Variants in GNE observed in about 807,000 individuals in gnomAD.
GNE encodes glucosamine (UDP-N-acetyl)-2-epimerase/N-acetylmannosamine kinase.
A neutral mutation model predicts 61.8 loss-of-function variants in GNE; 41 were observed. That is an observed-to-expected ratio of 0.66 (90% CI 0.52 to 0.86). GNE has a LOEUF of 0.86. Ranked by LOEUF, GNE falls within the 40% of genes least tolerant of loss-of-function variation. The pLI is 0.00. For synonymous variants in GNE, 264 were observed against 326.4 expected (o/e 0.81, Z 2.06); for missense variants, 608 against 909.1 (o/e 0.67, Z 4.26).
upstream of GNE, among the ~76,000 whole-genome samples, chr9:36,260,598 G>A (rs576931374): frequency 2.1e-3 from 326 of 152,154 alleles, 1 homozygote; most frequent in African/African-American, 7.4e-3. Context: ...GGCCAGGCGC[G>A]GTGGCTCACG....
intron 10 of GNE, 138 bp downstream of exon 10, chr9:36,219,690 AGTTTTAGTGC>A: frequency 1.4e-6 from 1 of 720,162 alleles, no homozygotes; most frequent in Non-Finnish European, 2.4e-6. Flanking sequence ...AAGACTGTGC[AGTTTTAGTGC>A]GAGGGAGCCC....
chr9:36,246,676 T>TG (rs1344203483), intron 2 of GNE, among the ~76,000 whole-genome samples, 194 bp from the exon 3 acceptor site: 1 of 147,266 alleles, frequency 6.8e-6, no homozygotes, highest in Non-Finnish European at 1.5e-5. Flanking sequence ...TTTTTTTTTT[T>TG]TTTTTTTTTT....
At chr9:36,241,909 G>T (rs1829642485) in intron 3 of GNE, among the ~76,000 whole-genome samples, 1 of 152,086 alleles carries the variant, frequency 6.6e-6, no homozygotes, top group South Asian at 2.1e-4. Context: ...GCTGAGGAGG[G>T]CGGATCACCT....
intron 1 of GNE, among the ~76,000 whole-genome samples, chr9:36,265,886 T>G (rs538281782): frequency 6.6e-6 from 1 of 152,346 alleles, no homozygotes; most frequent in African/African-American, 2.4e-5. Context: ...TAATGCTTGC[T>G]TGCCTGCCAT....
At chr9:36,236,793 A>G in intron 4 of GNE, 39 bp downstream of exon 4, 1 of 1,592,764 alleles carries the variant, frequency 6.3e-7, no homozygotes, top group Non-Finnish European at 8.6e-7. Context: ...TAAAATTGGG[A>G]AAAGTAGGTG....
intron 3 of GNE, among the ~76,000 whole-genome samples, chr9:36,237,586 C>A (rs970983060): frequency 2.6e-5 from 4 of 151,600 alleles, no homozygotes; most frequent in African/African-American, 9.7e-5. Context: ...TCAAACAACG[C>A]AAGGTATTTA....
intron 1 of GNE, among the ~76,000 whole-genome samples, chr9:36,253,442 A>T (rs1469196777): frequency 6.6e-6 from 1 of 150,666 alleles, no homozygotes; most frequent in East Asian, 2.0e-4. Context: ...CACCCACCAA[A>T]TTTTTTTGTA....
chr9:36,218,760 C>G lies in GNE; in HGVS notation c.1817-461G>C, dbSNP rs141473306. Among the ~76,000 whole-genome samples the G allele has an allele frequency of 1.7e-3, 264 of 152,332 alleles. 3 individuals are homozygous for G. Among genetic ancestry groups the G allele is most frequent in the Middle Eastern group, 0.01 (3 of 294 alleles). On this transcript the variant is annotated intron_variant, in intron 10 of 11. Coordinates refer to ENST00000642385, the MANE Select transcript of GNE (RefSeq NM_005476.7). This position sits in a 1 kb window ranked among gnomAD's most constrained non-coding sequence, Gnocchi z 4.1. ...GGGGTCAGTGCCAGCTCTGCCACTC[C>G]CAGCTGCATGACCCCATGCCTGTCA...
At chr9:36,262,987 C>A (rs556470567), upstream of GNE, among the ~76,000 whole-genome samples, 7 of 152,162 alleles carry the variant, frequency 4.6e-5, no homozygotes, top group East Asian at 1.3e-3. Context: ...GTATATACCC[C>A]CTACTTTACA....
At chr9:36,245,952 G>A (rs1829851864) in intron 3 of GNE, 79 bp downstream of exon 3, 1 of 1,133,574 alleles carries the variant, frequency 8.8e-7, no homozygotes, top group Non-Finnish European at 1.3e-6. Flanking sequence ...ATCCATAATA[G>A]TTTCCAAAAG....
intron 4 of GNE, among the ~76,000 whole-genome samples, chr9:36,235,143 G>T (rs577701491): frequency 6.6e-6 from 1 of 152,142 alleles, no homozygotes; most frequent in Non-Finnish European, 1.5e-5. Context: ...TCCTTTGAGC[G>T]TCATATTGGT....
At chr9:36,234,586 T>A (rs564493758) in intron 4 of GNE, among the ~76,000 whole-genome samples, 2 of 152,200 alleles carry the variant, frequency 1.3e-5, no homozygotes, top group Admixed American at 1.3e-4. Context: ...CCCATTTATA[T>A]GAACTAAACT....
Position 36,258,399 on chromosome 9 carries a change from C to A in GNE, c.-121G>T. 13 of 985,536 alleles carry A rather than the reference C, an allele frequency of 1.3e-5. No individual in the cohort carries two copies. The highest frequency in any genetic ancestry group is 1.6e-5 in the Non-Finnish European group (13 of 830,006). 61.0% of individuals were successfully genotyped at this position (985,536 alleles called of 1,614,324 possible). A position where few individuals can be genotyped will look rare whatever the true frequency, so the allele number is the denominator to read the frequency against. On this transcript the variant is annotated 5_prime_UTR_variant, in exon 1 of 12. Coordinates refer to ENST00000642385, the MANE Select transcript of GNE (RefSeq NM_005476.7). ...GACGAACCAAGCGCCACGAAGCAGG[C>A]AGAGCGCGAGCCTGCCCCTCGGTTT...
intron 7 of GNE, among the ~76,000 whole-genome samples, chr9:36,225,725 TA>T (rs1304530791): frequency 2.0e-5 from 3 of 152,212 alleles, no homozygotes; most frequent in African/African-American, 7.2e-5. Flanking sequence ...GAGGACCATT[TA>T]AGCCCAGGAC....
chr9:36,227,472 A>G lies in GNE; in HGVS notation c.1071-14T>C. The stretch of plus-strand genomic sequence containing the variant: ...TATATCTTTGAACTGCAATATACAA[A>G]AAGTCAATTAAATTATATGCTTCTG... On this transcript the variant is annotated splice_polypyrimidine_tract_variant and intron_variant, in intron 6 of 11. Transcript: ENST00000642385. 5.4e-6 allele frequency: 8 copies of G among 1,485,810 alleles called. No individual in the cohort carries two copies. Among genetic ancestry groups the G allele is most frequent in the Non-Finnish European group, 6.6e-6 (7 of 1,063,140 alleles). The allele number at this position is 1,485,810 out of a possible 1,614,324, so 92.0% of individuals were successfully genotyped here. A position where few individuals can be genotyped will look rare whatever the true frequency, so the allele number is the denominator to read the frequency against.
chr9:36,233,394 C>T (rs1829255359), intron 5 of GNE, among the ~76,000 whole-genome samples: 4 of 152,178 alleles, frequency 2.6e-5, no homozygotes, highest in African/African-American at 7.2e-5. Context: ...AGGCTGGGCG[C>T]GGTGGCTCAC....
intron 3 of GNE, among the ~76,000 whole-genome samples, chr9:36,244,820 A>G (rs1288726415): frequency 3.3e-5 from 5 of 151,146 alleles, no homozygotes; most frequent in Non-Finnish European, 5.9e-5. Context: ...TGCGCCTGTA[A>G]CCCCAGCTAC....
At chr9:36,263,315 C>T (rs529198515), upstream of GNE, 20 of 233,146 alleles carry the variant, frequency 8.6e-5, no homozygotes, top group African/African-American at 4.6e-4. Context: ...GGATTACAGA[C>T]ATGTGTCACC....
intron 1 of GNE, among the ~76,000 whole-genome samples, chr9:36,257,191 A>G (rs556203591): frequency 8.5e-5 from 13 of 152,276 alleles, no homozygotes; most frequent in African/African-American, 2.6e-4. Context: ...CGCTCAGAAC[A>G]CTGTCCCACA....
Sources: allele counts gnomAD v4.1 joint callset (sites outside exome capture counted in the v4.1 genomes callset), GRCh38; gene constraint gnomAD v4.1.1; non-coding constraint Gnocchi (gnomAD v3.1); transcripts MANE v1.5; gene names NCBI Gene and HGNC (gene_info 2026-07-23, HGNC 2026-07-21).